Variants in MACROD2 observed in about 807,000 individuals in gnomAD.
The protein encoded by MACROD2 is ADP-ribose glycohydrolase MACROD2.
In MACROD2, 36 loss-of-function variants were observed where a neutral mutation model predicts 70.4. The observed-to-expected ratio is 0.51, with a 90% confidence interval of 0.39 to 0.68. The LOEUF (loss-of-function observed/expected upper bound fraction) is 0.68. Ranked by LOEUF, MACROD2 falls within the 30% of genes least tolerant of loss-of-function variation. The pLI is 0.00. For missense variants in MACROD2, 496 were observed against 538.4 expected, an observed-to-expected ratio of 0.92 and a Z score of 0.78; for synonymous variants, 172 against 178.8, an observed-to-expected ratio of 0.96 and a Z score of 0.30.
chr20:14,474,968 A>G (rs755616381), intron 3 of MACROD2, among the ~76,000 whole-genome samples: 45 of 151,946 alleles, frequency 3.0e-4, no homozygotes, highest in Non-Finnish European at 4.1e-4. Flanking sequence ...GTAATTGTTG[A>G]TAGGTAAGGG....
intron 3 of MACROD2, among the ~76,000 whole-genome samples, chr20:14,492,309 T>C (rs181054693): frequency 3.9e-4 from 59 of 152,234 alleles, no homozygotes; most frequent in African/African-American, 1.4e-3. Flanking sequence ...AGAGCAACAG[T>C]TAGACAGTCC....
At chr20:15,883,599 CATTAATA>C (rs3072219) in intron 9 of MACROD2, among the ~76,000 whole-genome samples, 141,337 of 151,650 alleles carry the variant, frequency 0.93, 66,389 homozygotes, top group East Asian at 1. Context: ...CTCTAATCAT[CATTAATA>C]ATTAATAATC....
At chr20:14,379,270 A>G (rs1364290122) in intron 3 of MACROD2, among the ~76,000 whole-genome samples, 1 of 152,146 alleles carries the variant, frequency 6.6e-6, no homozygotes, top group Non-Finnish European at 1.5e-5. Flanking sequence ...TGTGCGTTTC[A>G]CCTGTATGAT....
intron 4 of MACROD2, among the ~76,000 whole-genome samples, chr20:14,645,949 G>T (rs546789389): frequency 6.6e-6 from 1 of 151,226 alleles, no homozygotes; most frequent in Admixed American, 6.6e-5. Flanking sequence ...ATACTCCCTG[G>T]CATATTTTTT....
At chr20:14,313,680 A>C (rs982660156) in intron 3 of MACROD2, among the ~76,000 whole-genome samples, 1 of 152,198 alleles carries the variant, frequency 6.6e-6, no homozygotes, top group Non-Finnish European at 1.5e-5. Context: ...TCCTTTAAGT[A>C]TATTAGTAGA....
At chr20:14,067,560 A>C (rs2053780244) in intron 2 of MACROD2, among the ~76,000 whole-genome samples, 1 of 152,200 alleles carries the variant, frequency 6.6e-6, no homozygotes, top group African/African-American at 2.4e-5. Context: ...ACACAAGATT[A>C]CTTGAAGAAT....
At chr20:15,939,894 T>C (rs1031790128) in intron 12 of MACROD2, among the ~76,000 whole-genome samples, 1 of 152,108 alleles carries the variant, frequency 6.6e-6, no homozygotes, top group African/African-American at 2.4e-5. Context: ...GGTTCAAGAC[T>C]TCACTGGAGG....
chr20:14,231,138 CT>C (rs569893305), intron 3 of MACROD2, among the ~76,000 whole-genome samples: 12 of 145,162 alleles, frequency 8.3e-5, no homozygotes, highest in East Asian at 4.0e-4. Flanking sequence ...CTTTTTTTTT[CT>C]TTTTTTTTTA....
chr20:15,091,115 C>T (rs944033142), intron 5 of MACROD2, among the ~76,000 whole-genome samples: 5 of 151,936 alleles, frequency 3.3e-5, no homozygotes, highest in African/African-American at 7.3e-5. Context: ...CCTAGCAATC[C>T]GAATTGCAAT....
chr20:15,394,308 A>T (rs558017389), intron 6 of MACROD2, among the ~76,000 whole-genome samples: 1 of 152,214 alleles, frequency 6.6e-6, no homozygotes, highest in Non-Finnish European at 1.5e-5. Flanking sequence ...GGGTCTTTTC[A>T]TATCAACTTG....
rs114033661 is a variant in MACROD2 at position 14,232,561 on chromosome 20, C to T, written c.271+146833C>T. 5.8e-3 allele frequency among the ~76,000 whole-genome samples: 884 copies of T among 152,322 alleles called. 10 individuals carry two copies. Among genetic ancestry groups the T allele is most frequent in the African/African-American group, 0.02 (818 of 41,566 alleles). Reference sequence around the variant, plus strand: ...GGCTTCTTTCCTTAAACCTCAGGAACCTACCTCCGCTAGCTCCCAGCTTTT... The same window carrying T: ...GGCTTCTTTCCTTAAACCTCAGGAATCTACCTCCGCTAGCTCCCAGCTTTT... On this transcript the variant is annotated intron_variant, in intron 3 of 17. Coordinates refer to ENST00000684519, the MANE Select transcript of MACROD2 (RefSeq NM_001351661.2).
At chr20:15,156,415 T>C (rs895508848) in intron 5 of MACROD2, among the ~76,000 whole-genome samples, 2 of 152,140 alleles carry the variant, frequency 1.3e-5, no homozygotes, top group Admixed American at 6.6e-5. Context: ...GGTAATCCAC[T>C]TTTTTTCCCC....
At chr20:14,623,963 A>G (rs182167467) in intron 4 of MACROD2, among the ~76,000 whole-genome samples, 134 of 152,360 alleles carry the variant, frequency 8.8e-4, no homozygotes, top group African/African-American at 3.0e-3. Context: ...CTTGAATTAG[A>G]TAACAGTAAA....
At chr20:14,658,203 A>G (rs1345458586) in intron 4 of MACROD2, among the ~76,000 whole-genome samples, 6 of 152,244 alleles carry the variant, frequency 3.9e-5, no homozygotes, top group African/African-American at 1.4e-4. Flanking sequence ...TCTACTTCAG[A>G]TATTATTTTG....
chr20:14,224,263 A>T (rs1376685699), intron 3 of MACROD2, among the ~76,000 whole-genome samples: 5 of 152,224 alleles, frequency 3.3e-5, no homozygotes, highest in Non-Finnish European at 5.9e-5. Flanking sequence ...TCAATCTTAT[A>T]TAGTATCCCA....
At chr20:15,554,096 T>A (rs6043361) in intron 8 of MACROD2, among the ~76,000 whole-genome samples, 2,379 of 152,256 alleles carry the variant, frequency 0.016, 72 homozygotes, top group African/African-American at 0.055. Flanking sequence ...GCAATGGAGA[T>A]GTGGAGGCAT....
chr20:14,641,756 C>T (rs1364800234), intron 4 of MACROD2, among the ~76,000 whole-genome samples: 1 of 152,168 alleles, frequency 6.6e-6, no homozygotes, highest in Non-Finnish European at 1.5e-5. Flanking sequence ...TTAAAATATT[C>T]ATTAAACCAT....
intron 15 of MACROD2, among the ~76,000 whole-genome samples, chr20:16,029,540 G>C (rs2067124868): frequency 6.6e-6 from 1 of 152,190 alleles, no homozygotes; most frequent in Admixed American, 6.5e-5. Context: ...ACGAAAGAAA[G>C]GGTGGGTAGC....
At chr20:14,422,756 A>G (rs2122898943) in intron 3 of MACROD2, among the ~76,000 whole-genome samples, 1 of 152,256 alleles carries the variant, frequency 6.6e-6, no homozygotes, top group South Asian at 2.1e-4. Flanking sequence ...TTATTTATGC[A>G]TTTGTCTTTT....
Sources: allele counts gnomAD v4.1 joint callset (sites outside exome capture counted in the v4.1 genomes callset), GRCh38; gene constraint gnomAD v4.1.1; transcripts MANE v1.5; gene names NCBI Gene and HGNC (gene_info 2026-07-23, HGNC 2026-07-21).